The following GAS6 variants were observed in gnomAD, a reference collection of about 807,000 sequenced individuals.
GAS6 encodes growth arrest specific 6.
In GAS6, 41 loss-of-function variants were observed where a neutral mutation model predicts 75.8. The ratio of observed to expected loss-of-function variants is 0.54; its 90% CI spans 0.42 to 0.70. GAS6 has a LOEUF of 0.70. Ranked by LOEUF, GAS6 falls within the 30% of genes least tolerant of loss-of-function variation. GAS6 has a pLI of 0.00. For synonymous variants in GAS6, 432 were observed against 412.6 expected, an observed-to-expected ratio of 1.05 and a Z score of -0.57; for missense variants, 854 against 940.2, an observed-to-expected ratio of 0.91 and a Z score of 1.20.
chr13:113,834,539 G>T lies in GAS6; in HGVS notation c.834+12C>A. On this transcript the variant is annotated intron_variant, in intron 8 of 14. Coordinates refer to ENST00000327773, the MANE Select transcript of GAS6 (RefSeq NM_000820.4). ...CCACCGTGAAGGGCCCGCGGGGCCA[G>T]GGGCCGCCTACCTCACAGGTGTCCA... 6.5e-7 allele frequency: 1 copy of T among 1,546,298 alleles called. No individual in the cohort carries two copies. The highest frequency in any genetic ancestry group is 8.7e-7 in the Non-Finnish European group (1 of 1,149,950).
At position 113,856,782 on chromosome 13, in the gene GAS6, G is replaced by A. The variant is rs116515142; in HGVS notation, c.255+6793C>T. ...ACTGCGCCTCCCTGAGAGCTCCCGC[G>A]TCCGGGCTGCCCTCATTTGGAGTGG... is the stretch of plus-strand genomic sequence containing the variant. On this transcript the variant is annotated intron_variant, in intron 2 of 14. Coordinates refer to ENST00000327773, the MANE Select transcript of GAS6 (RefSeq NM_000820.4). Among the ~76,000 whole-genome samples the A allele has an allele frequency of 9.8e-3, 1,488 of 152,352 alleles. 26 individuals are homozygous for A. Among genetic ancestry groups the A allele is most frequent in the African/African-American group, 0.033 (1,359 of 41,576 alleles).
intron 2 of GAS6, among the ~76,000 whole-genome samples, chr13:113,862,167 C>T (rs150819952): frequency 1.5e-4 from 23 of 152,340 alleles, no homozygotes; most frequent in Non-Finnish European, 2.8e-4. Context: ...ATCCAGGCAG[C>T]GTCCAGTCTG....
At chr13:113,822,443 G>T (rs2051473785) in intron 13 of GAS6, 2 of 396,838 alleles carry the variant, frequency 5.0e-6, no homozygotes, top group South Asian at 1.3e-4. Flanking sequence ...CCCAGGTTGG[G>T]TGTGAGAGGG....
At chr13:113,832,577 T>G in intron 9 of GAS6, 57 bp downstream of exon 9, 1 of 1,606,740 alleles carries the variant, frequency 6.2e-7, no homozygotes, top group South Asian at 1.1e-5. Flanking sequence ...CCGGGCCCTG[T>G]GAAGCCAGTG....
chr13:113,858,558 T>C (rs999382136), intron 2 of GAS6, among the ~76,000 whole-genome samples: 2 of 151,888 alleles, frequency 1.3e-5, no homozygotes, highest in Admixed American at 6.6e-5. Context: ...TGCTAGTATG[T>C]GCCTTTGTGT....
Position 113,849,945 on chromosome 13 carries a change from C to T in GAS6, c.256-1895G>A, listed in dbSNP as rs1345266283. ...AAGCTAAGATGAATAAACCTAAAAA[C>T]GCTATACACTCCTGAGAGAAAGAAA... is the stretch of plus-strand genomic sequence containing the variant. On this transcript the variant is annotated intron_variant, in intron 2 of 14. Transcript: ENST00000327773. Among the ~76,000 whole-genome samples the T allele has an allele frequency of 5.3e-5, 8 of 152,162 alleles. No individual in the cohort carries two copies. The South Asian group carries it at 8.3e-4, about 16-fold the overall frequency.
At chr13:113,833,367 C>T (rs41284479) in intron 8 of GAS6, 149,991 of 996,630 alleles carry the variant, frequency 0.15, 11,531 homozygotes, top group Middle Eastern at 0.17. Flanking sequence ...CCCTGAACGT[C>T]GCAGCCCAGA....
intron 2 of GAS6, among the ~76,000 whole-genome samples, chr13:113,854,488 T>C (rs2051898977): frequency 6.6e-6 from 1 of 152,190 alleles, no homozygotes; most frequent in African/African-American, 2.4e-5. Context: ...GCAGTAATGC[T>C]GAGACTCACT....
rs1566349223 is a variant in GAS6, at chr13:113,820,857, TGGGGGCCTAGGCTGCGGCGGGCTCCACGG to T, written c.2015_*6del. 6.2e-7 allele frequency: 1 copy of T among 1,608,048 alleles called. No homozygotes were observed. Among genetic ancestry groups the T allele is most frequent in the Admixed American group, 1.7e-5 (1 of 59,938 alleles). ...AGACTGAGAAGCCTGCCGCGTCCCGTGGGGGCCTAGGCTGCGGCGGGCTCCACGGGGGGGCAGGAGTGGGCCGTGATGTC... is the reference window on the plus strand; with the variant it reads ...AGACTGAGAAGCCTGCCGCGTCCCGTGGGGGCAGGAGTGGGCCGTGATGTC... On this transcript the variant is annotated stop_lost and 3_prime_UTR_variant, in exon 15 of 15. Coordinates refer to ENST00000327773, the MANE Select transcript of GAS6 (RefSeq NM_000820.4).
chr13:113,842,756 C>T (rs1594204042), intron 4 of GAS6: 8 of 396,890 alleles, frequency 2.0e-5, no homozygotes, highest in East Asian at 1.8e-4. Context: ...GGATGCTGTG[C>T]GCTGCCGCTA....
intron 2 of GAS6, among the ~76,000 whole-genome samples, chr13:113,859,601 T>G (rs1284101925): frequency 6.7e-6 from 1 of 149,372 alleles, no homozygotes; most frequent in Non-Finnish European, 1.5e-5. Context: ...TGTCTGTTAG[T>G]ATGTGTGTGC....
intron 3 of GAS6, chr13:113,846,965 C>T (rs764981330): frequency 2.0e-6 from 1 of 490,454 alleles, no homozygotes; most frequent in East Asian, 5.8e-5. Flanking sequence ...CTGTGCTTAA[C>T]TGGAAAGCCA....
rs1462118094 is a variant in GAS6 at position 113,834,497 on chromosome 13, G to A, written c.834+54C>T. On this transcript the variant is annotated intron_variant, in intron 8 of 14. Coordinates refer to ENST00000327773, the MANE Select transcript of GAS6 (RefSeq NM_000820.4). ...AGTGTTTCTCCCGAAAGCCCCCACC[G>A]GCGAGGGCCCCCGGAACCACCGTGA... The A allele has an allele frequency of 2.8e-5, 40 of 1,435,622 alleles. No individual in the cohort carries two copies. The East Asian group carries it at 4.7e-4, about 17-fold the overall frequency. The allele number at this position is 1,435,622 out of a possible 1,614,324, so 88.9% of individuals were successfully genotyped here. A position where few individuals can be genotyped will look rare whatever the true frequency, so the allele number is the denominator to read the frequency against.
chr13:113,863,977 C>T lies in GAS6; in HGVS notation c.-57G>A. On this transcript the variant is annotated 5_prime_UTR_variant, in exon 1 of 15. Coordinates refer to ENST00000327773, the MANE Select transcript of GAS6 (RefSeq NM_000820.4). This position sits in a 1 kb window ranked among gnomAD's most constrained non-coding sequence, Gnocchi z 9.4. ...GGGAGGCCGAGGCGAGCCGCGGGCG[C>T]CGCGGGGCGGAGGCTCCGGTCATCC... 9.7e-7 allele frequency: 1 copy of T among 1,025,728 alleles called. No homozygotes were observed. The highest frequency in any genetic ancestry group is 1.2e-6 in the Non-Finnish European group (1 of 858,364). The allele number at this position is 1,025,728 out of a possible 1,614,324, so 63.5% of individuals were successfully genotyped here. A position where few individuals can be genotyped will look rare whatever the true frequency, so the allele number is the denominator to read the frequency against.
rs536412956 is a variant in GAS6 at position 113,856,612 on chromosome 13, G to A, written c.255+6963C>T. ...CGGGAAGTGAACAGTTTCATCATCTGCTGCTGCTATTCAATTGTCAGGGTT... is the reference window on the plus strand; with the variant it reads ...CGGGAAGTGAACAGTTTCATCATCTACTGCTGCTATTCAATTGTCAGGGTT... On this transcript the variant is annotated intron_variant, in intron 2 of 14. Transcript: ENST00000327773. 7.9e-5 allele frequency among the ~76,000 whole-genome samples: 12 copies of A among 152,306 alleles called. No homozygotes were observed. The South Asian group carries it at 1.7e-3, about 21-fold the overall frequency.
chr13:113,820,932 C>G lies in GAS6; in HGVS notation c.1969G>C (p.Glu657Gln). The G allele has an allele frequency of 6.2e-7, 1 of 1,612,552 alleles. No homozygotes were observed. The highest frequency in any genetic ancestry group is 2.2e-5 in the East Asian group (1 of 44,864). The change falls in exon 15 of 15, where the codon GAG becomes CAG. Residue 657 changes from glutamate to glutamine, a missense_variant. Physicochemically the swap from Glu to Gln is conservative, Grantham distance 29. Coordinates refer to ENST00000327773, the MANE Select transcript of GAS6 (RefSeq NM_000820.4). ...ATGTCGCTGTGCTTGTACGCCGCCT[C>G]GTCCAGGTCCAGCAGCCTCCGGTTG... is the stretch of plus-strand genomic sequence containing the variant. ...EVNRRLLDLD[E>Q]AAYKHSDITA...
At chr13:113,854,410 C>T (rs1423498736) in intron 2 of GAS6, among the ~76,000 whole-genome samples, 1 of 152,238 alleles carries the variant, frequency 6.6e-6, no homozygotes, top group Non-Finnish European at 1.5e-5. Context: ...CGCCGAGACT[C>T]GCCCCGCATG....
intron 8 of GAS6, 187 bp from the exon 9 acceptor site, chr13:113,832,939 G>T: frequency 1.4e-6 from 2 of 1,479,544 alleles, no homozygotes; most frequent in South Asian, 1.3e-5. Flanking sequence ...GGTGAAGGGC[G>T]GGCTTGCAGC....
At chr13:113,829,042 CTCAATCTCAGGCAGA>C (rs2051591815) in intron 10 of GAS6, among the ~76,000 whole-genome samples, 1 of 85,742 alleles carries the variant, frequency 1.2e-5, no homozygotes, top group Non-Finnish European at 2.0e-5. Flanking sequence ...CCAAGAGGGT[CTCAATCTCAGGCAGA>C]CCACATGATC....
Sources: allele counts gnomAD v4.1 joint callset (sites outside exome capture counted in the v4.1 genomes callset), GRCh38; gene constraint gnomAD v4.1.1; non-coding constraint Gnocchi (gnomAD v3.1); transcripts MANE v1.5; gene names NCBI Gene and HGNC (gene_info 2026-07-23, HGNC 2026-07-21).